DYM: variants seen among roughly 807,000 people sequenced by gnomAD.
DYM encodes dyggve-Melchior-Clausen syndrome protein.
Under a neutral mutation model 93.1 loss-of-function variants are expected in DYM, and 78 were observed. The ratio of observed to expected loss-of-function variants is 0.84; its 90% confidence interval spans 0.70 to 1.01. DYM has a LOEUF of 1.01. Among genes scored for constraint, DYM ranks in the 50% least tolerant of loss-of-function variants. DYM has a pLI of 0.00. For synonymous variants in DYM, 321 were observed against 319.7 expected, an observed-to-expected ratio of 1.00 and a Z score of -0.04; for missense variants, 789 against 845.0, an observed-to-expected ratio of 0.93 and a Z score of 0.82.
chr18:49,454,101 G>A (rs112811724), intron 1 of DYM, among the ~76,000 whole-genome samples: 3,618 of 152,112 alleles, frequency 0.024, 137 homozygotes, highest in African/African-American at 0.081. Context: ...CCCTTAGATT[G>A]ACCCCAGGAG....
At chr18:49,408,626 A>G (rs1362349057) in intron 2 of DYM, among the ~76,000 whole-genome samples, 1 of 152,206 alleles carries the variant, frequency 6.6e-6, no homozygotes, top group African/African-American at 2.4e-5. Context: ...TCAAATAAGT[A>G]TGTGATGATA....
intron 14 of DYM, among the ~76,000 whole-genome samples, chr18:49,200,889 AT>A (rs1212458283): frequency 6.6e-6 from 1 of 152,166 alleles, no homozygotes; most frequent in African/African-American, 2.4e-5. Flanking sequence ...TCTCCTAGCA[AT>A]TTTCATGTAT....
At chr18:49,190,092 C>G (rs951280611) in intron 14 of DYM, among the ~76,000 whole-genome samples, 1 of 152,208 alleles carries the variant, frequency 6.6e-6, no homozygotes, top group African/African-American at 2.4e-5. Flanking sequence ...GAACAGATAA[C>G]TGTCCATTGT....
In DYM at chr18:49,391,621, T is replaced by C. The variant is rs1396064501; in HGVS notation, c.165A>G (p.Glu55=). 6.2e-7 allele frequency: 1 copy of C among 1,613,582 alleles called. No homozygotes were observed. The highest frequency in any genetic ancestry group is 8.5e-7 in the Non-Finnish European group (1 of 1,179,640). ...TSSSELKLLE[E]ATISVCRSLV... ...ATGACCTGCAGACTGAAATGGTTGC[T>C]TCCTCCAAGAGTTTCAACTCACTAC... Residue 55 remains glutamate (E), a synonymous_variant, in exon 3 of 18, where the codon GAA becomes GAG. Transcript: ENST00000675505.
intron 8 of DYM, among the ~76,000 whole-genome samples, chr18:49,324,197 G>A (rs904143238): frequency 7.7e-5 from 11 of 143,776 alleles, no homozygotes; most frequent in African/African-American, 2.3e-4. Flanking sequence ...TGATGTGCTC[G>A]TAGATTAAAG....
intron 17 of DYM, among the ~76,000 whole-genome samples, chr18:49,089,918 G>T (rs1206843182): frequency 6.6e-6 from 1 of 152,162 alleles, no homozygotes; most frequent in Admixed American, 6.5e-5. Flanking sequence ...TCAACTGAGG[G>T]ACTGGCCTTG....
chr18:49,193,392 G>A (rs1211849923), intron 14 of DYM, among the ~76,000 whole-genome samples: 1 of 151,940 alleles, frequency 6.6e-6, no homozygotes, highest in Non-Finnish European at 1.5e-5. Context: ...AAATTTTAAT[G>A]AACTGCCTCT....
chr18:49,364,673 G>A (rs1047023261), intron 5 of DYM, among the ~76,000 whole-genome samples: 4 of 152,080 alleles, frequency 2.6e-5, no homozygotes, highest in African/African-American at 9.7e-5. Flanking sequence ...AGTACAGCAT[G>A]CCAGACTCTT....
At chr18:49,179,508 C>T (rs2089714472) in intron 14 of DYM, among the ~76,000 whole-genome samples, 1 of 152,068 alleles carries the variant, frequency 6.6e-6, no homozygotes, top group South Asian at 2.1e-4. Context: ...ATAGTTACCA[C>T]ACAATATATC....
At chr18:49,367,875 C>T (rs1391927778) in intron 5 of DYM, among the ~76,000 whole-genome samples, 6 of 149,650 alleles carry the variant, frequency 4.0e-5, no homozygotes, top group Non-Finnish European at 8.9e-5. Flanking sequence ...ATGGAAGACA[C>T]ATAATTAAAT....
chr18:49,289,453 G>T (rs1374706524), intron 8 of DYM, among the ~76,000 whole-genome samples: 1 of 135,020 alleles, frequency 7.4e-6, no homozygotes, highest in East Asian at 2.1e-4. Flanking sequence ...ATTAAAATGG[G>T]CAATAAAGGA....
chr18:49,332,797 T>C lies in DYM; in HGVS notation c.621-791A>G, dbSNP rs551890583. 2.5e-3 allele frequency among the ~76,000 whole-genome samples: 383 copies of C among 152,284 alleles called. 1 individual carries two copies. The highest frequency in any genetic ancestry group is 8.9e-3 in the African/African-American group (371 of 41,564). ...ACACTAACACCCTCTATGTCTATTTTTAAAAAGCAACTTGAATACTCTGGC... is the reference window on the plus strand; with the variant it reads ...ACACTAACACCCTCTATGTCTATTTCTAAAAAGCAACTTGAATACTCTGGC... On this transcript the variant is annotated intron_variant, in intron 7 of 17. Transcript: ENST00000675505.
chr18:49,078,470 C>T (rs1479213601), intron 17 of DYM, among the ~76,000 whole-genome samples: 1 of 152,074 alleles, frequency 6.6e-6, no homozygotes, highest in Non-Finnish European at 1.5e-5. Context: ...CTCTCCTCTC[C>T]TATATACTAT....
At chr18:49,143,283 A>T (rs940505799) in intron 15 of DYM, among the ~76,000 whole-genome samples, 25 of 152,182 alleles carry the variant, frequency 1.6e-4, no homozygotes, top group Non-Finnish European at 3.2e-4. Context: ...TTGCAGTGTA[A>T]GTTTATTCCT....
chr18:49,246,384 A>G (rs1277967677), intron 13 of DYM, among the ~76,000 whole-genome samples: 1 of 152,226 alleles, frequency 6.6e-6, no homozygotes, highest in East Asian at 1.9e-4. Context: ...CATGAAACAC[A>G]TGCAATTCAT....
chr18:49,383,804 A>G (rs1329362793), intron 3 of DYM, among the ~76,000 whole-genome samples: 1 of 152,238 alleles, frequency 6.6e-6, no homozygotes, highest in Non-Finnish European at 1.5e-5. Flanking sequence ...TAATGCCTGT[A>G]ATATAGTAGG....
At chr18:49,376,779 G>A (rs2067545783) in intron 5 of DYM, among the ~76,000 whole-genome samples, 1 of 152,098 alleles carries the variant, frequency 6.6e-6, no homozygotes, top group Admixed American at 6.5e-5. Flanking sequence ...GTTAGAAGAT[G>A]GTAAAATCGT....
At chr18:49,363,581 C>G (rs890683909) in intron 5 of DYM, among the ~76,000 whole-genome samples, 1 of 152,150 alleles carries the variant, frequency 6.6e-6, no homozygotes, top group Non-Finnish European at 1.5e-5. Context: ...AGATAAAAAT[C>G]AAGCTGCTCT....
intron 14 of DYM, among the ~76,000 whole-genome samples, chr18:49,189,306 A>T (rs1199202302): frequency 6.6e-6 from 1 of 152,142 alleles, no homozygotes; most frequent in Non-Finnish European, 1.5e-5. Flanking sequence ...TGAATCGAAA[A>T]TTTTTTTAAA....
Sources: allele counts gnomAD v4.1 joint callset (sites outside exome capture counted in the v4.1 genomes callset), GRCh38; gene constraint gnomAD v4.1.1; transcripts MANE v1.5; gene names NCBI Gene and HGNC (gene_info 2026-07-23, HGNC 2026-07-21).